Variants in SLC14A2 observed in about 807,000 individuals in gnomAD.
SLC14A2 encodes solute carrier family 14 member 2.
SLC14A2 carries 91 observed loss-of-function variants against 104.6 expected under a neutral mutation model. The ratio of observed to expected loss-of-function variants is 0.87; its 90% CI spans 0.73 to 1.04. SLC14A2 has a LOEUF of 1.04. SLC14A2 is among the 50% of genes least tolerant of loss of function. The pLI, the probability that SLC14A2 is intolerant of heterozygous loss-of-function variation, is 0.00. For missense variants in SLC14A2, 1,189 were observed against 1,156.0 expected, an observed-to-expected ratio of 1.03 and a Z score of -0.41; for synonymous variants, 476 against 466.4, an observed-to-expected ratio of 1.02 and a Z score of -0.27.
intron 2 of SLC14A2, among the ~76,000 whole-genome samples, chr18:45,486,162 G>T (rs1279539588): frequency 6.6e-6 from 1 of 152,140 alleles, no homozygotes. Flanking sequence ...GGTCAGCTCA[G>T]CTTTTCTTAA....
At chr18:45,242,606 T>A (rs1170753492) in intron 1 of SLC14A2, among the ~76,000 whole-genome samples, 1 of 152,218 alleles carries the variant, frequency 6.6e-6, no homozygotes, top group Non-Finnish European at 1.5e-5. Context: ...TTCTTATTAA[T>A]GTGAATTACT....
intron 2 of SLC14A2, among the ~76,000 whole-genome samples, chr18:45,607,591 A>T (rs1437844189): frequency 6.6e-6 from 1 of 152,210 alleles, no homozygotes; most frequent in Non-Finnish European, 1.5e-5. Flanking sequence ...TGGCTAATGT[A>T]TTCATTATCT....
At position 45,568,631 on chromosome 18, in the gene SLC14A2, A is replaced by G. The variant is rs543030639; in HGVS notation, c.-34-56000A>G. On this transcript the variant is annotated intron_variant, in intron 2 of 20. Coordinates refer to the SLC14A2 transcript ENST00000586448. ...TTATCCTTGGCATGAGGTACCAGCA[A>G]CATTCAAGAAGGCAGCTCCTTTGTC... Among the ~76,000 whole-genome samples, 11 of 152,340 alleles carry G rather than the reference A, an allele frequency of 7.2e-5. No individual in the cohort carries two copies. The South Asian group carries it at 2.3e-3, about 32-fold the overall frequency.
chr18:45,310,707 A>C (rs2085069874), intron 1 of SLC14A2, among the ~76,000 whole-genome samples: 1 of 152,228 alleles, frequency 6.6e-6, no homozygotes, highest in South Asian at 2.1e-4. Flanking sequence ...TGACATGCAC[A>C]CTATGTCGGT....
chr18:45,412,679 T>C (rs1002108868), intron 1 of SLC14A2, among the ~76,000 whole-genome samples: 1 of 152,180 alleles, frequency 6.6e-6, no homozygotes, highest in Admixed American at 6.5e-5. Flanking sequence ...CTAGCACACA[T>C]CATGGTGGAT....
intron 1 of SLC14A2, among the ~76,000 whole-genome samples, chr18:45,325,500 C>T (rs1341299101): frequency 6.6e-6 from 1 of 152,178 alleles, no homozygotes; most frequent in African/African-American, 2.4e-5. Context: ...CGATCCTGTT[C>T]TCCAGAATTA....
intron 10 of SLC14A2, among the ~76,000 whole-genome samples, chr18:45,662,626 T>C (rs1036729809): frequency 6.6e-6 from 1 of 152,122 alleles, no homozygotes; most frequent in Non-Finnish European, 1.5e-5. Context: ...ATTTGTAGGA[T>C]GCTAAAGAAA....
intron 2 of SLC14A2, among the ~76,000 whole-genome samples, chr18:45,538,325 A>T (rs182253388): frequency 6.6e-6 from 1 of 152,168 alleles, no homozygotes; most frequent in African/African-American, 2.4e-5. Flanking sequence ...AACCCACTAC[A>T]TTCCAATGGC....
intron 2 of SLC14A2, among the ~76,000 whole-genome samples, chr18:45,583,755 A>C (rs1267324761): frequency 1.3e-5 from 2 of 152,286 alleles, no homozygotes; most frequent in Non-Finnish European, 2.9e-5. Context: ...AAAAAAAAAC[A>C]AAAAGCCCCA....
chr18:45,644,147 G>A lies in SLC14A2; in HGVS notation c.1338G>A (p.Glu446=). 6.2e-7 allele frequency: 1 copy of A among 1,614,212 alleles called. No homozygotes were observed. Residue 446 remains glutamate (E), a synonymous_variant, in exon 10 of 20, where the codon GAG becomes GAA. Coordinates refer to ENST00000255226, the MANE Select transcript of SLC14A2 (RefSeq NM_007163.4). ...TGACAGTGAAAAGCGGTGAAGAAGA[G>A]AAGGCCCCCAGCGGTGAATAGCCAT... is the stretch of plus-strand genomic sequence containing the variant. ...YYLTVKSGEE[E]KAPSGGGGEH...
chr18:45,661,402 G>A (rs1291963655), intron 10 of SLC14A2, among the ~76,000 whole-genome samples: 2 of 152,200 alleles, frequency 1.3e-5, no homozygotes, highest in African/African-American at 2.4e-5. Context: ...CCAGGTACAG[G>A]CCCTAGACTA....
chr18:45,383,585 G>A (rs1476958940), intron 1 of SLC14A2, among the ~76,000 whole-genome samples: 1 of 152,160 alleles, frequency 6.6e-6, no homozygotes, highest in African/African-American at 2.4e-5. Flanking sequence ...ATATTTACAT[G>A]TGTTAGGCTC....
Position 45,641,270 on chromosome 18 carries a change from C to A in SLC14A2, c.1053C>A (p.Val351=). The A allele has an allele frequency of 6.2e-7, 1 of 1,614,212 alleles. No individual in the cohort carries two copies. The part of the protein sequence containing the change: ...IYTGLWSYNC[V]LSCIAIGGMF... ...CAGGCCTCTGGAGCTACAACTGCGT[C>A]CTCTCCTGCATCGCCATCGGAGGCA... is the stretch of plus-strand genomic sequence containing the variant. The change falls in exon 8 of 20, where the codon GTC becomes GTA. Residue 351 remains valine, a synonymous_variant. Transcript: ENST00000255226.
At chr18:45,645,954 G>A (rs111386063) in intron 10 of SLC14A2, among the ~76,000 whole-genome samples, 1,740 of 152,172 alleles carry the variant, frequency 0.011, 41 homozygotes, top group African/African-American at 0.039. Context: ...ACATAGCAAA[G>A]GGGTTTTACA....
intron 10 of SLC14A2, among the ~76,000 whole-genome samples, chr18:45,658,108 G>A (rs1056171196): frequency 1.2e-4 from 18 of 152,200 alleles, no homozygotes; most frequent in African/African-American, 3.9e-4. Flanking sequence ...CAAGGAAATT[G>A]CCTTGTGGTG....
chr18:45,585,965 T>C (rs934891582), intron 2 of SLC14A2, among the ~76,000 whole-genome samples: 1 of 152,158 alleles, frequency 6.6e-6, no homozygotes, highest in Non-Finnish European at 1.5e-5. Flanking sequence ...TTCACATACT[T>C]ATTCAGTCAA....
intron 2 of SLC14A2, among the ~76,000 whole-genome samples, chr18:45,574,224 G>T (rs951051636): frequency 2.0e-5 from 3 of 152,292 alleles, no homozygotes; most frequent in Admixed American, 1.3e-4. Flanking sequence ...GCTTGTGTAT[G>T]CATGTGTGTG....
chr18:45,320,592 G>A (rs188895301), intron 1 of SLC14A2, among the ~76,000 whole-genome samples: 4 of 152,288 alleles, frequency 2.6e-5, no homozygotes, highest in Non-Finnish European at 5.9e-5. Flanking sequence ...TGATCCTGGT[G>A]CCAGGTTTTT....
intron 1 of SLC14A2, among the ~76,000 whole-genome samples, chr18:45,444,446 A>G (rs902683116): frequency 6.6e-6 from 1 of 152,214 alleles, no homozygotes; most frequent in Non-Finnish European, 1.5e-5. Context: ...ATGAAGGATA[A>G]TGCTATCCCC....
Sources: gnomAD v4.1 joint callset for allele counts (sites outside exome capture counted in the v4.1 genomes callset) on GRCh38, gnomAD v4.1.1 for gene constraint, MANE v1.5 for transcripts, NCBI Gene and HGNC (gene_info 2026-07-23, HGNC 2026-07-21) for gene names.